The following CFAP100 variants were observed in gnomAD, a reference collection of about 807,000 sequenced individuals.
CFAP100 encodes cilia- and flagella-associated protein 100.
A neutral mutation model predicts 81.5 loss-of-function variants in CFAP100; 70 were observed. That is an observed-to-expected ratio of 0.86 (90% confidence interval 0.71 to 1.05). The LOEUF (loss-of-function observed/expected upper bound fraction) is 1.05, where lower values mean the gene tolerates loss of function less well. Ranked by LOEUF, CFAP100 falls within the 50% of genes least tolerant of loss-of-function variation. The probability of loss-of-function intolerance (pLI) is 0.00; values close to 1 mark genes in which losing one functional copy is unlikely to be tolerated. For missense variants in CFAP100, 811 were observed against 776.5 expected (o/e 1.04, Z -0.53); for synonymous variants, 341 against 314.8 (o/e 1.08, Z -0.88).
chr3:126,434,543 T>A, intron 15 of CFAP100, 162 bp downstream of exon 15: 39 of 614,224 alleles, frequency 6.3e-5, no homozygotes, highest in Middle Eastern at 4.9e-4. Context: ...TAGAGGGGCA[T>A]CACAGTCAAG....
chr3:126,433,940 T>A (rs1217330393), intron 14 of CFAP100: 1 of 520,996 alleles, frequency 1.9e-6, no homozygotes, highest in Non-Finnish European at 3.4e-6. Context: ...CAGAGGCAGC[T>A]GGGAGAGGGG....
intron 3 of CFAP100, among the ~76,000 whole-genome samples, chr3:126,411,861 T>C (rs1358135560): frequency 6.6e-6 from 1 of 152,220 alleles, no homozygotes; most frequent in East Asian, 1.9e-4. Context: ...GACCAGGTTT[T>C]TGTTTCATTT....
chr3:126,427,950 AAACAACC>A (rs1933022948), intron 13 of CFAP100, among the ~76,000 whole-genome samples: 1 of 152,174 alleles, frequency 6.6e-6, no homozygotes, highest in African/African-American at 2.4e-5. Context: ...ACACACTTTT[AAACAACC>A]AGATCTCATG....
At chr3:126,416,291 G>T (rs1560071028) in intron 4 of CFAP100, 25 bp from the exon 5 acceptor site, 2 of 1,561,982 alleles carry the variant, frequency 1.3e-6, no homozygotes, top group Non-Finnish European at 8.7e-7. Flanking sequence ...CCTGGGCCCC[G>T]CCCGACTTGG....
rs746946172 is a variant in CFAP100, at chr3:126,416,522, GGC to G, written c.418+18_418+19del. ...CCTTGACCAAAGGTGCGTCCCCTCCGGCGCGGGGGGACCTGGGCCAGTGGCGT... is the reference window on the plus strand; with the variant it reads ...CCTTGACCAAAGGTGCGTCCCCTCCGGCGGGGGGACCTGGGCCAGTGGCGT... On this transcript the variant is annotated intron_variant, in intron 5 of 16. Transcript: ENST00000352312. 1 of 1,543,788 alleles carries G rather than the reference GGC, an allele frequency of 6.5e-7. No individual in the cohort carries two copies. The highest frequency in any genetic ancestry group is 2.0e-5 in the Admixed American group (1 of 50,048).
At chr3:126,428,944 T>TA (rs1283855766) in intron 13 of CFAP100, among the ~76,000 whole-genome samples, 1 of 151,674 alleles carries the variant, frequency 6.6e-6, no homozygotes, top group African/African-American at 2.4e-5. Context: ...CTGTCTTTAC[T>TA]AAAAACACAA....
At chr3:126,434,493 C>G in intron 15 of CFAP100, 112 bp downstream of exon 15, 1 of 1,038,628 alleles carries the variant, frequency 9.6e-7, no homozygotes, top group Admixed American at 2.5e-5. Flanking sequence ...CCCTCCTGCT[C>G]TGTGCTATGA....
At chr3:126,428,699 A>G (rs116378531) in intron 13 of CFAP100, among the ~76,000 whole-genome samples, 1,718 of 151,942 alleles carry the variant, frequency 0.011, 26 homozygotes, top group African/African-American at 0.038. Flanking sequence ...TTCATAGGGG[A>G]TATTGGCCTA....
intron 2 of CFAP100, among the ~76,000 whole-genome samples, chr3:126,406,625 G>C (rs1217547598): frequency 2.0e-5 from 3 of 152,230 alleles, no homozygotes. Context: ...CCCCGGGCGG[G>C]AAGGAGACTT....
intron 2 of CFAP100, among the ~76,000 whole-genome samples, chr3:126,397,492 C>T (rs562292681): frequency 2.0e-5 from 3 of 152,344 alleles, no homozygotes; most frequent in South Asian, 2.1e-4. Flanking sequence ...TACCACAAGA[C>T]AGTTGAAGGA....
intron 2 of CFAP100, among the ~76,000 whole-genome samples, chr3:126,405,291 G>A (rs1036334361): frequency 4.6e-5 from 7 of 152,194 alleles, no homozygotes; most frequent in African/African-American, 1.2e-4. Flanking sequence ...CTGTTTTTGT[G>A]TGTAAGCAGG....
At chr3:126,423,974 A>G (rs6766584) in intron 13 of CFAP100, among the ~76,000 whole-genome samples, 48,290 of 152,052 alleles carry the variant, frequency 0.32, 7,648 homozygotes, top group East Asian at 0.36. Context: ...GGAGGTCCAC[A>G]GCGACCCTGA....
intron 13 of CFAP100, among the ~76,000 whole-genome samples, chr3:126,424,920 A>G (rs2083386091): frequency 6.6e-6 from 1 of 152,236 alleles, no homozygotes; most frequent in Admixed American, 6.5e-5. Flanking sequence ...GCAGGTGCAA[A>G]GGCACTGAGG....
chr3:126,410,106 C>G (rs149806414), intron 3 of CFAP100, among the ~76,000 whole-genome samples: 8,103 of 152,250 alleles, frequency 0.053, 288 homozygotes, highest in South Asian at 0.11. Context: ...GAGGCTGAGA[C>G]AGGAGAATTG....
chr3:126,395,610 G>C (rs2082875890), intron 1 of CFAP100, among the ~76,000 whole-genome samples: 1 of 152,180 alleles, frequency 6.6e-6, no homozygotes, highest in Admixed American at 6.5e-5. Context: ...GGGATGGTGA[G>C]AGGTCTCTCT....
chr3:126,401,430 T>C (rs1460962200), intron 2 of CFAP100, among the ~76,000 whole-genome samples: 2 of 130,332 alleles, frequency 1.5e-5, no homozygotes, highest in African/African-American at 2.9e-5. Context: ...TATATATATA[T>C]ATATATATAT....
chr3:126,420,032 G>GC lies in CFAP100; in HGVS notation c.955+16dup, dbSNP rs750077115. 1.2e-6 allele frequency: 2 copies of GC among 1,613,078 alleles called. No homozygotes were observed. The highest frequency in any genetic ancestry group is 1.7e-6 in the Non-Finnish European group (2 of 1,179,994). ...CCATGTGGGCCAAAGGTGAGCTGCC[G>GC]CCCCCAGCCTGAGGAGGAGCCTGGC... On this transcript the variant is annotated intron_variant, in intron 10 of 16. Transcript: ENST00000352312.
At chr3:126,434,053 G>A in intron 14 of CFAP100, 123 bp from the exon 15 acceptor site, 2 of 785,528 alleles carry the variant, frequency 2.5e-6, no homozygotes, top group Non-Finnish European at 4.2e-6. Flanking sequence ...TGTTCTCAGA[G>A]CTCCCACTGT....
intron 4 of CFAP100, among the ~76,000 whole-genome samples, chr3:126,415,369 G>T (rs537027309): frequency 2.0e-5 from 1 of 50,192 alleles, no homozygotes. Flanking sequence ...TCCCCTACCC[G>T]GCAGGCTCTC....
Sources: allele counts gnomAD v4.1 joint callset (sites outside exome capture counted in the v4.1 genomes callset), GRCh38; gene constraint gnomAD v4.1.1; transcripts MANE v1.5; gene names NCBI Gene and HGNC (gene_info 2026-07-23, HGNC 2026-07-21).